The following KAZN variants were observed in gnomAD, a reference collection of about 807,000 sequenced individuals.
The protein encoded by KAZN is kazrin, periplakin interacting protein.
A neutral mutation model predicts 87.4 loss-of-function variants in KAZN; 40 were observed. That is an observed-to-expected ratio of 0.46 (90% CI 0.36 to 0.60). The LOEUF (loss-of-function observed/expected upper bound fraction) is 0.60, where lower values mean the gene tolerates loss of function less well. Among genes scored for constraint, KAZN ranks in the 20% least tolerant of loss-of-function variants. The pLI, the probability that KAZN is intolerant of heterozygous loss-of-function variation, is 0.00. For synonymous variants in KAZN, 466 were observed against 458.3 expected, an observed-to-expected ratio of 1.02 and a Z score of -0.22; for missense variants, 898 against 1,073.9, an observed-to-expected ratio of 0.84 and a Z score of 2.29.
chr1:14,632,898 G>C (rs1198819297), intron 1 of KAZN, among the ~76,000 whole-genome samples: 1 of 147,362 alleles, frequency 6.8e-6, no homozygotes, highest in Non-Finnish European at 1.5e-5. Flanking sequence ...TCCTGTTTGG[G>C]AGGAAGGACA....
rs1440548334 is a variant in KAZN at position 14,776,069 on chromosome 1, G to A, written c.226+176846G>A. Among the ~76,000 whole-genome samples the A allele has an allele frequency of 3.3e-5, 5 of 152,264 alleles. No individual in the cohort carries two copies. In the East Asian group the frequency reaches 9.7e-4, roughly 29 times the overall value. ...CTGACGCCCAGGCTGGAGTGCAATG[G>A]CGCGATCTCAGCTCACTGCAACTTC... On this transcript the variant is annotated intron_variant, in intron 1 of 14. Coordinates refer to ENST00000376030, the MANE Select transcript of KAZN (RefSeq NM_201628.3).
At chr1:14,317,249 T>C (rs1655711732) in intron 2 of KAZN, among the ~76,000 whole-genome samples, 1 of 151,990 alleles carries the variant, frequency 6.6e-6, no homozygotes, top group African/African-American at 2.4e-5. Context: ...TCTTGATGAA[T>C]TGACCCCTAT....
intron 1 of KAZN, among the ~76,000 whole-genome samples, chr1:14,695,494 C>T: frequency 9.6e-6 from 1 of 103,826 alleles, no homozygotes; most frequent in Admixed American, 9.6e-5. Flanking sequence ...ACCTCTTTCC[C>T]CAGACTACAT....
chr1:14,460,413 G>A (rs1432262525), intron 2 of KAZN, among the ~76,000 whole-genome samples: 1 of 152,210 alleles, frequency 6.6e-6, no homozygotes, highest in Non-Finnish European at 1.5e-5. Flanking sequence ...GCAAGGCGGT[G>A]AGGATCCAGG....
At chr1:14,139,100 A>G (rs934889550) in intron 1 of KAZN, among the ~76,000 whole-genome samples, 34 of 152,148 alleles carry the variant, frequency 2.2e-4, no homozygotes, top group African/African-American at 7.7e-4. Flanking sequence ...TGTAGAAAAC[A>G]TTACAACCCC....
At chr1:14,580,718 G>A (rs619719) in intron 2 of KAZN, among the ~76,000 whole-genome samples, 106,201 of 151,762 alleles carry the variant, frequency 0.7, 38,574 homozygotes, top group Non-Finnish European at 0.81. Context: ...CTTTATTTAT[G>A]TCTGCTATCT....
chr1:13,971,600 TTTTTTGTTG>T (rs1184670151), intron 1 of KAZN, among the ~76,000 whole-genome samples: 1 of 149,726 alleles, frequency 6.7e-6, no homozygotes, highest in African/African-American at 2.5e-5. Flanking sequence ...GTGAGGTTTT[TTTTTTGTTG>T]TTGTTGTTGT....
chr1:14,120,383 C>T (rs1644726011), intron 1 of KAZN, among the ~76,000 whole-genome samples: 1 of 152,032 alleles, frequency 6.6e-6, no homozygotes, highest in African/African-American at 2.4e-5. Context: ...TCATGAGAAA[C>T]CACCCCCACG....
intron 2 of KAZN, among the ~76,000 whole-genome samples, chr1:14,227,941 T>C (rs1217126413): frequency 1.3e-5 from 2 of 152,180 alleles, no homozygotes; most frequent in Non-Finnish European, 2.9e-5. Context: ...TGCTTTGTTG[T>C]ATACTTACAC....
intron 8 of KAZN, among the ~76,000 whole-genome samples, chr1:15,086,882 T>C (rs1640284111): frequency 6.6e-6 from 1 of 152,252 alleles, no homozygotes; most frequent in Non-Finnish European, 1.5e-5. Flanking sequence ...AACTTGAGAA[T>C]ACCTCAGAAT....
chr1:14,132,535 C>T (rs536785400), intron 1 of KAZN, among the ~76,000 whole-genome samples: 12 of 152,238 alleles, frequency 7.9e-5, no homozygotes, highest in African/African-American at 2.2e-4. Context: ...GGAAGCTGCT[C>T]AAACTACATG....
intron 1 of KAZN, among the ~76,000 whole-genome samples, chr1:14,854,092 T>C (rs1207765455): frequency 1.3e-5 from 2 of 151,940 alleles, no homozygotes; most frequent in African/African-American, 4.8e-5. Flanking sequence ...GGACCAGGGG[T>C]CTCAGTTCCA....
intron 2 of KAZN, among the ~76,000 whole-genome samples, chr1:15,029,197 T>A (rs1671444482): frequency 6.6e-6 from 1 of 152,082 alleles, no homozygotes; most frequent in Admixed American, 6.5e-5. Flanking sequence ...AGCATCATGG[T>A]GAGGAGGAGG....
At chr1:14,743,958 C>G (rs182737755) in intron 1 of KAZN, among the ~76,000 whole-genome samples, 1 of 152,198 alleles carries the variant, frequency 6.6e-6, no homozygotes, top group Non-Finnish European at 1.5e-5. Context: ...TGAAGCAAAA[C>G]CAAGACTCTG....
At chr1:14,201,004 TTTGA>T (rs779306721) in intron 2 of KAZN, among the ~76,000 whole-genome samples, 1 of 152,208 alleles carries the variant, frequency 6.6e-6, no homozygotes, top group African/African-American at 2.4e-5. Flanking sequence ...GCTTCTTTCC[TTTGA>T]TTGGCGCATG....
chr1:14,020,542 C>T (rs965514811), intron 1 of KAZN, among the ~76,000 whole-genome samples: 1 of 152,196 alleles, frequency 6.6e-6, no homozygotes, highest in Non-Finnish European at 1.5e-5. Context: ...TGCTGTAAAA[C>T]TGTGTTAAAG....
intron 2 of KAZN, among the ~76,000 whole-genome samples, chr1:14,468,584 C>T (rs1668284712): frequency 6.6e-6 from 1 of 152,198 alleles, no homozygotes; most frequent in Non-Finnish European, 1.5e-5. Flanking sequence ...AGCTATGAGT[C>T]TTCCTACATG....
intron 1 of KAZN, among the ~76,000 whole-genome samples, chr1:14,136,939 TA>T (rs1645120511): frequency 6.6e-6 from 1 of 152,070 alleles, no homozygotes; most frequent in Non-Finnish European, 1.5e-5. Flanking sequence ...CAGGAGTCAC[TA>T]AAGGCCACCC....
At chr1:14,092,314 A>G (rs1438756890) in intron 1 of KAZN, among the ~76,000 whole-genome samples, 1 of 150,974 alleles carries the variant, frequency 6.6e-6, no homozygotes, top group Non-Finnish European at 1.5e-5. Flanking sequence ...GATGGTCTTG[A>G]TCTCCTGACC....
Sources: allele counts gnomAD v4.1 joint callset (sites outside exome capture counted in the v4.1 genomes callset), GRCh38; gene constraint gnomAD v4.1.1; transcripts MANE v1.5; gene names NCBI Gene and HGNC (gene_info 2026-07-23, HGNC 2026-07-21).